Variants in ARHGAP26 observed in about 807,000 individuals in gnomAD.
The protein encoded by ARHGAP26 is rho GTPase-activating protein 26.
Under a neutral mutation model 104.8 loss-of-function variants are expected in ARHGAP26, and 38 were observed. That is an observed-to-expected ratio of 0.36 (90% CI 0.28 to 0.48). The LOEUF (loss-of-function observed/expected upper bound fraction) is 0.48. Ranked by LOEUF, ARHGAP26 falls within the 20% of genes least tolerant of loss-of-function variation. The pLI, the probability that ARHGAP26 is intolerant of heterozygous loss-of-function variation, is 0.99. For missense variants in ARHGAP26, 704 were observed against 947.9 expected, an observed-to-expected ratio of 0.74 and a Z score of 3.38; for synonymous variants, 341 against 340.0, an observed-to-expected ratio of 1.00 and a Z score of -0.03.
intron 10 of ARHGAP26, among the ~76,000 whole-genome samples, chr5:142,923,798 A>G (rs546583233): frequency 6.6e-6 from 1 of 152,142 alleles, no homozygotes; most frequent in East Asian, 1.9e-4. Context: ...ATTCCTCTAA[A>G]AATACTAAGG....
chr5:142,863,579 A>G (rs1753749290), intron 1 of ARHGAP26, among the ~76,000 whole-genome samples: 1 of 152,114 alleles, frequency 6.6e-6, no homozygotes, highest in African/African-American at 2.4e-5. Flanking sequence ...CATTCCTCCA[A>G]TATATATTGA....
At chr5:142,794,321 A>G (rs1760507411) in intron 1 of ARHGAP26, among the ~76,000 whole-genome samples, 1 of 152,118 alleles carries the variant, frequency 6.6e-6, no homozygotes, top group African/African-American at 2.4e-5. Context: ...AGTGTTCTGA[A>G]AGTCAGGGAG....
chr5:142,866,924 C>G (rs1754386723), intron 1 of ARHGAP26: 1 of 152,180 alleles, frequency 6.6e-6, no homozygotes. Flanking sequence ...GTGACTTCAT[C>G]CCTATACCCC....
At chr5:143,029,508 C>T (rs1182793333) in intron 12 of ARHGAP26, among the ~76,000 whole-genome samples, 3 of 149,296 alleles carry the variant, frequency 2.0e-5, no homozygotes, top group Non-Finnish European at 3.0e-5. Context: ...GGGCTCAAGC[C>T]ATCATCCTGC....
Position 143,161,139 on chromosome 5 carries a change from G to A in ARHGAP26, c.1988+13758G>A, listed in dbSNP as rs147708349. ...TGATTCTCATGCCTCAGCCTCATGA[G>A]TAGCTGGGATTACAGGCACGCAGCA... On this transcript the variant is annotated intron_variant, in intron 20 of 22. Coordinates refer to ENST00000645722, the MANE Select transcript of ARHGAP26 (RefSeq NM_001135608.3). Among the ~76,000 whole-genome samples, 179 of 150,968 alleles carry A rather than the reference G, an allele frequency of 1.2e-3. 1 individual carries two copies. The highest frequency in any genetic ancestry group is 4.2e-3 in the African/African-American group (172 of 41,104).
chr5:143,146,470 C>T (rs1475097693), intron 19 of ARHGAP26, among the ~76,000 whole-genome samples: 3 of 152,228 alleles, frequency 2.0e-5, no homozygotes, highest in Non-Finnish European at 4.4e-5. Context: ...CCTGAGGCCA[C>T]ATAGCCAGTC....
chr5:142,980,641 G>T lies in ARHGAP26; in HGVS notation c.1108-33439G>T, dbSNP rs560602065. Among the ~76,000 whole-genome samples the T allele has an allele frequency of 5.3e-5, 8 of 152,074 alleles. No individual in the cohort carries two copies. The South Asian group carries it at 1.2e-3, about 24-fold the overall frequency. ...TGACCTCAGGCAATCTGCCTGCCTT[G>T]GCCTCCCAAAGTGCTGGGATTACAG... is the stretch of plus-strand genomic sequence containing the variant. On this transcript the variant is annotated intron_variant, in intron 11 of 22. Transcript: ENST00000645722.
chr5:142,954,564 C>A (rs1038038770), intron 11 of ARHGAP26, among the ~76,000 whole-genome samples: 1 of 152,164 alleles, frequency 6.6e-6, no homozygotes, highest in African/African-American at 2.4e-5. Context: ...CACTCCCTGG[C>A]TTCTCATCCA....
intron 11 of ARHGAP26, among the ~76,000 whole-genome samples, chr5:142,994,085 A>G (rs568988691): frequency 6.6e-6 from 1 of 152,388 alleles, no homozygotes; most frequent in South Asian, 2.1e-4. Flanking sequence ...CTGGTCTACC[A>G]GGATAAATTT....
chr5:142,805,531 G>T lies in ARHGAP26; in HGVS notation c.154+34616G>T, dbSNP rs576113077. ...TGGATGTATCATTTCTCTTGGGTAG[G>T]TAACTAGGAGTGGAATTGCTAGGTC... On this transcript the variant is annotated intron_variant, in intron 1 of 22. Transcript: ENST00000645722. 6.4e-4 allele frequency among the ~76,000 whole-genome samples: 98 copies of T among 152,242 alleles called. No homozygotes were observed. The South Asian group carries it at 0.02, about 31-fold the overall frequency.
intron 12 of ARHGAP26, among the ~76,000 whole-genome samples, chr5:143,031,313 T>C (rs555766039): frequency 3.3e-5 from 5 of 152,122 alleles, no homozygotes; most frequent in African/African-American, 9.7e-5. Context: ...GTCAAGACCA[T>C]AGGGGCTGCA....
chr5:143,009,570 T>A (rs1040232935), intron 11 of ARHGAP26, among the ~76,000 whole-genome samples: 2 of 152,158 alleles, frequency 1.3e-5, no homozygotes, highest in Admixed American at 1.3e-4. Context: ...ATGGCAGGGG[T>A]TTTGTCATCA....
chr5:142,865,098 T>G (rs1225502110), intron 1 of ARHGAP26, among the ~76,000 whole-genome samples: 2 of 152,240 alleles, frequency 1.3e-5, no homozygotes, highest in African/African-American at 4.8e-5. Flanking sequence ...TGCTGTCTTA[T>G]CATGTCTTGG....
intron 17 of ARHGAP26, among the ~76,000 whole-genome samples, chr5:143,076,794 TA>T (rs1284789169): frequency 6.6e-6 from 1 of 152,230 alleles, no homozygotes; most frequent in Non-Finnish European, 1.5e-5. Flanking sequence ...CATTCAATTT[TA>T]TTTTTTTGAG....
chr5:143,026,693 T>C (rs1372790022), intron 12 of ARHGAP26, among the ~76,000 whole-genome samples: 1 of 151,714 alleles, frequency 6.6e-6, no homozygotes, highest in Non-Finnish European at 1.5e-5. Context: ...GCATTCTTAG[T>C]GTGAAGAGAA....
At chr5:143,050,972 G>C (rs965546743) in intron 14 of ARHGAP26, among the ~76,000 whole-genome samples, 2 of 152,162 alleles carry the variant, frequency 1.3e-5, no homozygotes, top group African/African-American at 2.4e-5. Flanking sequence ...AAGAGCTTTT[G>C]GATCTCAAAA....
At chr5:143,067,019 C>T (rs1420453795) in intron 17 of ARHGAP26, among the ~76,000 whole-genome samples, 1 of 151,228 alleles carries the variant, frequency 6.6e-6, no homozygotes, top group Non-Finnish European at 1.5e-5. Flanking sequence ...GTTACCTCCC[C>T]CTCCCCCTCC....
intron 17 of ARHGAP26, among the ~76,000 whole-genome samples, chr5:143,096,474 CAGTT>C (rs778605977): frequency 7.9e-5 from 12 of 152,134 alleles, no homozygotes; most frequent in Non-Finnish European, 1.5e-4. Flanking sequence ...TTTTGTCTGT[CAGTT>C]ATTCTTTTAC....
chr5:142,904,747 T>C (rs1198733367), intron 8 of ARHGAP26, among the ~76,000 whole-genome samples: 2 of 152,180 alleles, frequency 1.3e-5, no homozygotes, highest in Admixed American at 6.5e-5. Flanking sequence ...TTTTTTTCTT[T>C]AGTGGGTAAT....
Sources: gnomAD v4.1 joint callset for allele counts (sites outside exome capture counted in the v4.1 genomes callset) on GRCh38, gnomAD v4.1.1 for gene constraint, MANE v1.5 for transcripts, NCBI Gene and HGNC (gene_info 2026-07-23, HGNC 2026-07-21) for gene names.